The following PPM1H variants were observed in gnomAD, a reference collection of about 807,000 sequenced individuals.
PPM1H encodes the protein protein phosphatase, Mg2+/Mn2+ dependent 1H.
Under a neutral mutation model 54.9 loss-of-function variants are expected in PPM1H, and 27 were observed. That is an observed-to-expected ratio of 0.49 (90% CI 0.36 to 0.68). The LOEUF (loss-of-function observed/expected upper bound fraction) is 0.68, where lower values mean the gene tolerates loss of function less well. Among genes scored for constraint, PPM1H ranks in the 30% least tolerant of loss-of-function variants. The pLI is 0.00. For missense variants in PPM1H, 596 were observed against 667.8 expected (o/e 0.89, Z 1.19); for synonymous variants, 305 against 270.8 (o/e 1.13, Z -1.24).
At chr12:62,757,717 C>T (rs1026124543) in intron 4 of PPM1H, among the ~76,000 whole-genome samples, 3 of 152,328 alleles carry the variant, frequency 2.0e-5, no homozygotes, top group South Asian at 4.1e-4. Context: ...CACTCGGAAG[C>T]AGCTCTATCA....
At chr12:62,650,186 A>T (rs897265703) in intron 9 of PPM1H, among the ~76,000 whole-genome samples, 2 of 152,228 alleles carry the variant, frequency 1.3e-5, no homozygotes, top group African/African-American at 2.4e-5. Context: ...GATTGTGAAG[A>T]TTCCAAGTTG....
At chr12:62,710,852 A>T (rs546765343) in intron 6 of PPM1H, among the ~76,000 whole-genome samples, 2 of 152,224 alleles carry the variant, frequency 1.3e-5, no homozygotes, top group African/African-American at 4.8e-5. Flanking sequence ...TCCTGAGGCC[A>T]GCAGCAGCTC....
intron 9 of PPM1H, among the ~76,000 whole-genome samples, chr12:62,663,334 T>TA (rs71967486): frequency 2.1e-3 from 307 of 149,716 alleles, no homozygotes; most frequent in East Asian, 6.3e-3. Context: ...AATTCTCTTT[T>TA]AAAAAAAAAA....
intron 3 of PPM1H, among the ~76,000 whole-genome samples, chr12:62,790,677 C>T (rs942106947): frequency 1.3e-5 from 2 of 151,882 alleles, no homozygotes; most frequent in Admixed American, 6.6e-5. Context: ...TAAGAGATTG[C>T]GGGAGGGGAA....
chr12:62,744,166 TAA>T (rs549496108), intron 4 of PPM1H, among the ~76,000 whole-genome samples: 11,593 of 129,464 alleles, frequency 0.09, 1,392 homozygotes, highest in African/African-American at 0.3. Flanking sequence ...TATACAGTCA[TAA>T]AAAAAAAAAA....
At chr12:62,751,579 C>T (rs999075038) in intron 4 of PPM1H, among the ~76,000 whole-genome samples, 8 of 152,172 alleles carry the variant, frequency 5.3e-5, no homozygotes, top group Non-Finnish European at 8.8e-5. Context: ...ATACATCTGA[C>T]GAAAGCTCAT....
rs774253379 is a variant in PPM1H, at chr12:62,648,654, G to C, written c.1398-18C>G. ...GTGTGTACCTACACAGGAGAACCAGGAACGAGACAGTCAGTAGAGCATCAG... is the reference window on the plus strand; with the variant it reads ...GTGTGTACCTACACAGGAGAACCAGCAACGAGACAGTCAGTAGAGCATCAG... On this transcript the variant is annotated intron_variant, in intron 9 of 9. Transcript: ENST00000228705. 1 of 1,612,756 alleles carries C rather than the reference G, an allele frequency of 6.2e-7. No homozygotes were observed. The highest frequency in any genetic ancestry group is 8.5e-7 in the Non-Finnish European group (1 of 1,179,306).
At chr12:62,669,484 T>C (rs888801677) in intron 8 of PPM1H, among the ~76,000 whole-genome samples, 1 of 152,072 alleles carries the variant, frequency 6.6e-6, no homozygotes, top group Non-Finnish European at 1.5e-5. Flanking sequence ...GGGCCCCGAG[T>C]AGCAAGGCCA....
intron 7 of PPM1H, among the ~76,000 whole-genome samples, chr12:62,692,269 T>TACAC (rs2076087465): frequency 6.6e-6 from 1 of 152,150 alleles, no homozygotes; most frequent in African/African-American, 2.4e-5. Flanking sequence ...GGCCAACAGG[T>TACAC]ACACGGACAG....
intron 5 of PPM1H, among the ~76,000 whole-genome samples, chr12:62,725,053 C>T (rs2076282861): frequency 6.6e-6 from 1 of 152,200 alleles, no homozygotes; most frequent in Non-Finnish European, 1.5e-5. Flanking sequence ...GCTAAGGGTG[C>T]AGAAGTTCTT....
intron 5 of PPM1H, among the ~76,000 whole-genome samples, chr12:62,736,981 G>A (rs1307350614): frequency 6.6e-6 from 1 of 152,106 alleles, no homozygotes; most frequent in Admixed American, 6.5e-5. Context: ...CTTATTTTCA[G>A]GATAGAAACA....
At chr12:62,767,404 T>C (rs552041480) in intron 4 of PPM1H, among the ~76,000 whole-genome samples, 1 of 152,328 alleles carries the variant, frequency 6.6e-6, no homozygotes, top group African/African-American at 2.4e-5. Context: ...TGCGTACTTA[T>C]GGTAGCTGCC....
chr12:62,776,816 C>T (rs539939639), intron 4 of PPM1H, among the ~76,000 whole-genome samples: 1 of 152,286 alleles, frequency 6.6e-6, no homozygotes, highest in East Asian at 1.9e-4. Flanking sequence ...TATTACCTTG[C>T]TTAAACAAGA....
chr12:62,652,489 C>G (rs2075821766), intron 9 of PPM1H, among the ~76,000 whole-genome samples: 1 of 152,180 alleles, frequency 6.6e-6, no homozygotes, highest in Non-Finnish European at 1.5e-5. Context: ...ACTGGTAGAC[C>G]TGTACCTATA....
intron 2 of PPM1H, among the ~76,000 whole-genome samples, chr12:62,820,590 G>A (rs994453801): frequency 1.7e-4 from 26 of 152,148 alleles, no homozygotes; most frequent in Admixed American, 1.0e-3. Flanking sequence ...GCAATATTGC[G>A]GTTCTGCAGC....
chr12:62,715,178 G>A (rs1006725201), intron 6 of PPM1H, among the ~76,000 whole-genome samples: 4 of 152,214 alleles, frequency 2.6e-5, no homozygotes, highest in Admixed American at 1.3e-4. Flanking sequence ...AGAGGGCTGC[G>A]GGTCGGGATA....
chr12:62,654,395 G>A (rs1340586062), intron 9 of PPM1H, among the ~76,000 whole-genome samples: 8 of 152,094 alleles, frequency 5.3e-5, no homozygotes, highest in African/African-American at 1.4e-4. Context: ...ATGAGCATGC[G>A]TACTTCAGTA....
chr12:62,675,617 C>T (rs2075980995), intron 8 of PPM1H, among the ~76,000 whole-genome samples: 1 of 152,160 alleles, frequency 6.6e-6, no homozygotes, highest in African/African-American at 2.4e-5. Context: ...CCTGTTTACT[C>T]CAATAGTTTT....
chr12:62,801,933 G>C lies in PPM1H; in HGVS notation c.639C>G (p.Arg213=). ...SRTLTRAASL[R]GGVGAPGSPS... Reference sequence around the variant, plus strand: ...GGGAGCCCGGGGCCCCCACCCCTCCGCGCAGGGAGGCTGCCCGGGTCAGAG... The same window carrying C: ...GGGAGCCCGGGGCCCCCACCCCTCCCCGCAGGGAGGCTGCCCGGGTCAGAG... The change falls in exon 3 of 10, where the codon CGC becomes CGG. Residue 213 remains arginine (R), a synonymous_variant. Transcript: ENST00000228705. The C allele has an allele frequency of 1.2e-6, 2 of 1,612,878 alleles. No homozygotes were observed. The highest frequency in any genetic ancestry group is 1.7e-6 in the Non-Finnish European group (2 of 1,179,322).
Sources: gnomAD v4.1 joint callset for allele counts (sites outside exome capture counted in the v4.1 genomes callset) on GRCh38, gnomAD v4.1.1 for gene constraint, MANE v1.5 for transcripts, NCBI Gene and HGNC (gene_info 2026-07-23, HGNC 2026-07-21) for gene names.